ANO4: variants seen among roughly 807,000 people sequenced by gnomAD.
ANO4 encodes the protein anoctamin 4.
Under a neutral mutation model 141.9 loss-of-function variants are expected in ANO4, and 69 were observed. That is an observed-to-expected ratio of 0.49 (90% CI 0.40 to 0.59). ANO4 has a LOEUF of 0.59. ANO4 is among the 20% of genes least tolerant of loss of function. The pLI is 0.00. For missense variants in ANO4, 894 were observed against 1,162.2 expected (o/e 0.77, Z 3.36); for synonymous variants, 350 against 394.3 (o/e 0.89, Z 1.33).
At chr12:100,792,907 C>T (rs1347472597), upstream of ANO4, among the ~76,000 whole-genome samples, 2 of 152,226 alleles carry the variant, frequency 1.3e-5, no homozygotes, top group Admixed American at 6.5e-5. Context: ...AAAGAACCTT[C>T]TCATATATTA....
intron 14 of ANO4, chr12:101,066,997 C>CAAAAAAA (rs34416390): frequency 2.1e-4 from 39 of 181,478 alleles, no homozygotes; most frequent in South Asian, 8.4e-4. Flanking sequence ...TAAAGTATAA[C>CAAAAAAA]AAAAAAAAAA....
intron 22 of ANO4, among the ~76,000 whole-genome samples, chr12:101,109,433 C>T (rs941668437): frequency 2.0e-5 from 3 of 151,990 alleles, no homozygotes; most frequent in South Asian, 2.1e-4. Context: ...TGATGGCGGG[C>T]GCCTGTAATC....
At chr12:100,855,777 C>G (rs11110560) in intron 1 of ANO4, among the ~76,000 whole-genome samples, 29,640 of 152,068 alleles carry the variant, frequency 0.19, 3,396 homozygotes, top group Middle Eastern at 0.35. Flanking sequence ...AATTCACATA[C>G]CGACATAAAT....
chr12:100,807,444 AT>A (rs1403459974), intron 1 of ANO4, among the ~76,000 whole-genome samples: 3 of 151,820 alleles, frequency 2.0e-5, no homozygotes, highest in South Asian at 4.2e-4. Flanking sequence ...TTGTTCCAGG[AT>A]TTTTTTTGAT....
chr12:100,728,252 T>G (rs2031226012), intron 1 of ANO4, among the ~76,000 whole-genome samples: 1 of 152,208 alleles, frequency 6.6e-6, no homozygotes, highest in South Asian at 2.1e-4. Flanking sequence ...GTTATAAGAT[T>G]GTGTTGTTTA....
At chr12:101,008,516 C>A (rs1195711029) in intron 8 of ANO4, among the ~76,000 whole-genome samples, 1 of 152,158 alleles carries the variant, frequency 6.6e-6, no homozygotes, top group Non-Finnish European at 1.5e-5. Context: ...AGTTATATTA[C>A]AATTTAATTA....
At chr12:100,974,941 G>A (rs773826116) in intron 7 of ANO4, 52 bp downstream of exon 7, 2 of 1,595,242 alleles carry the variant, frequency 1.3e-6, no homozygotes, top group Non-Finnish European at 1.7e-6. Flanking sequence ...TGGCCCGTGT[G>A]CTCCAACAAT....
intron 8 of ANO4, among the ~76,000 whole-genome samples, chr12:101,006,460 T>C (rs1405697822): frequency 2.0e-5 from 3 of 152,256 alleles, no homozygotes; most frequent in African/African-American, 7.2e-5. Flanking sequence ...AGTAATGCTC[T>C]TCCTAAAGTA....
chr12:100,743,793 T>C (rs1452595349), intron 3 of ANO4, among the ~76,000 whole-genome samples: 4 of 152,196 alleles, frequency 2.6e-5, no homozygotes, highest in Non-Finnish European at 5.9e-5. Flanking sequence ...GGGTTTGTTA[T>C]ACAAATTATT....
intron 2 of ANO4, among the ~76,000 whole-genome samples, chr12:100,735,113 A>G (rs959486294): frequency 5.3e-5 from 8 of 152,160 alleles, no homozygotes; most frequent in African/African-American, 1.7e-4. Context: ...TGTGAAATCA[A>G]TGTTAATGCT....
chr12:100,723,523 G>T (rs1256887637), intron 1 of ANO4, among the ~76,000 whole-genome samples: 1 of 152,130 alleles, frequency 6.6e-6, no homozygotes, highest in African/African-American at 2.4e-5. Flanking sequence ...AGATAGAAGA[G>T]ATAGAGATTA....
At chr12:100,997,937 G>A (rs1463036927) in intron 8 of ANO4, among the ~76,000 whole-genome samples, 3 of 129,980 alleles carry the variant, frequency 2.3e-5, no homozygotes, top group Non-Finnish European at 5.4e-5. Context: ...AGACTTAACT[G>A]CTCATGGCCA....
chr12:100,796,626 C>CA (rs201100078), intron 1 of ANO4, among the ~76,000 whole-genome samples: 9,385 of 134,420 alleles, frequency 0.07, 681 homozygotes, highest in African/African-American at 0.2. Flanking sequence ...AGGTTAACAG[C>CA]AAAAAAAAAA....
At chr12:100,867,411 G>A (rs1271435830) in intron 1 of ANO4, among the ~76,000 whole-genome samples, 4 of 152,164 alleles carry the variant, frequency 2.6e-5, no homozygotes, top group African/African-American at 9.7e-5. Flanking sequence ...CTGAGTCTGA[G>A]TCCAAAGGCA....
In ANO4 at chr12:100,888,635, G is replaced by A. The variant is rs745632603; in HGVS notation, c.-140-13011G>A. Among the ~76,000 whole-genome samples, 16 of 152,222 alleles carry A rather than the reference G, an allele frequency of 1.1e-4. 1 individual carries two copies. The highest frequency in any genetic ancestry group is 2.0e-4 in the Admixed American group (3 of 15,292). On this transcript the variant is annotated intron_variant, in intron 1 of 27. Transcript: ENST00000392977. ...CTCCATTGGCTGAGGCCAACTGGAGGCCTGTGAGGGAGCCCAGGTGATGAA... is the reference window on the plus strand; with the variant it reads ...CTCCATTGGCTGAGGCCAACTGGAGACCTGTGAGGGAGCCCAGGTGATGAA...
At chr12:101,091,846 T>G (rs1011793124) in intron 17 of ANO4, among the ~76,000 whole-genome samples, 1 of 152,092 alleles carries the variant, frequency 6.6e-6, no homozygotes. Context: ...AAAATATTTT[T>G]ATATAGTATT....
At chr12:101,094,420 T>C in intron 18 of ANO4, 128 bp downstream of exon 18, 1 of 645,630 alleles carries the variant, frequency 1.5e-6, no homozygotes, top group Non-Finnish European at 2.5e-6. Flanking sequence ...AACAAGTTTT[T>C]TCTTTGCCTT....
intron 1 of ANO4, among the ~76,000 whole-genome samples, chr12:100,808,716 C>T (rs755904943): frequency 4.7e-4 from 72 of 151,986 alleles, no homozygotes; most frequent in African/African-American, 9.2e-4. Flanking sequence ...TCTTTGACAC[C>T]GTAAAATAGA....
intron 3 of ANO4, among the ~76,000 whole-genome samples, chr12:100,762,045 TA>T (rs1423024822): frequency 6.6e-6 from 1 of 152,154 alleles, no homozygotes; most frequent in African/African-American, 2.4e-5. Flanking sequence ...TATTAATCAC[TA>T]GGGGGAAAGG....
Sources: allele counts gnomAD v4.1 joint callset (sites outside exome capture counted in the v4.1 genomes callset), GRCh38; gene constraint gnomAD v4.1.1; transcripts MANE v1.5; gene names NCBI Gene and HGNC (gene_info 2026-07-23, HGNC 2026-07-21).